Variants in FBLN1 observed in about 807,000 individuals in gnomAD.
The protein encoded by FBLN1 is fibulin 1.
FBLN1 carries 34 observed loss-of-function variants against 89.7 expected under a neutral mutation model. The ratio of observed to expected loss-of-function variants is 0.38; its 90% CI spans 0.29 to 0.50. The LOEUF (loss-of-function observed/expected upper bound fraction) is 0.50. Ranked by LOEUF, FBLN1 falls within the 20% of genes least tolerant of loss-of-function variation. The probability of loss-of-function intolerance (pLI) is 0.92; values close to 1 mark genes in which losing one functional copy is unlikely to be tolerated. For missense variants in FBLN1, 777 were observed against 988.1 expected (o/e 0.79, Z 2.86); for synonymous variants, 393 against 391.3 (o/e 1.00, Z -0.05).
intron 1 of FBLN1, among the ~76,000 whole-genome samples, chr22:45,506,291 A>G (rs944295093): frequency 6.6e-6 from 1 of 152,210 alleles, no homozygotes; most frequent in African/African-American, 2.4e-5. Context: ...TTTCCCAGCC[A>G]GGCGCTGAGC....
At chr22:45,521,712 C>T (rs2088253452) in intron 2 of FBLN1, among the ~76,000 whole-genome samples, 1 of 152,160 alleles carries the variant, frequency 6.6e-6, no homozygotes. Context: ...TGAGCAGGAC[C>T]CCGCCCCAGC....
In FBLN1 at chr22:45,574,644, C is replaced by G. The variant is rs778805850; in HGVS notation, c.1831C>G (p.Arg611Gly). ...ISLPTFREFTRPEEIIFLRAI... is the reference protein window; with the variant it reads ...ISLPTFREFTGPEEIIFLRAI... ...GCTGCCTACCTTCCGCGAGTTCACCCGCCCTGAAGGTGAGTGGGATGGGTG... is the reference window on the plus strand; with the variant it reads ...GCTGCCTACCTTCCGCGAGTTCACCGGCCCTGAAGGTGAGTGGGATGGGTG... Residue 611 changes from arginine (R) to glycine (G), a missense_variant, in exon 15 of 17, where the codon CGC (arginine) becomes GGC (glycine). Physicochemically the swap from Arg to Gly is moderately radical, Grantham distance 125 (BLOSUM62 -2). Coordinates refer to ENST00000327858, the MANE Select transcript of FBLN1 (RefSeq NM_006486.3). The surrounding 1 kb of genome is among the most constrained non-coding windows in gnomAD (Gnocchi z 4.1). The G allele has an allele frequency of 6.2e-7, 1 of 1,613,744 alleles. No individual in the cohort carries two copies. Among genetic ancestry groups the G allele is most frequent in the East Asian group, 2.2e-5 (1 of 44,870 alleles).
chr22:45,535,361 A>C, intron 8 of FBLN1, 24 bp downstream of exon 8: 1 of 1,613,876 alleles, frequency 6.2e-7, no homozygotes, highest in South Asian at 1.1e-5. Context: ...CGCCAGGATT[A>C]GCGGGTTATT....
intron 16 of FBLN1, among the ~76,000 whole-genome samples, chr22:45,587,969 G>A (rs1195153079): frequency 1.3e-5 from 2 of 152,200 alleles, no homozygotes; most frequent in African/African-American, 4.8e-5. Flanking sequence ...CGAGTAATGT[G>A]TGTATCCCTG....
At chr22:45,599,809 C>T (rs536373298) in intron 16 of FBLN1, among the ~76,000 whole-genome samples, 13 of 152,034 alleles carry the variant, frequency 8.6e-5, no homozygotes, top group Non-Finnish European at 1.8e-4. Context: ...CCCAGCTACT[C>T]GGGAGGCTGA....
chr22:45,519,390 G>A (rs1463896803), intron 2 of FBLN1, among the ~76,000 whole-genome samples: 2 of 152,086 alleles, frequency 1.3e-5, no homozygotes, highest in Non-Finnish European at 2.9e-5. Context: ...GGAGGCCGAG[G>A]TGGGTGGATC....
rs879213611 is a variant in FBLN1, at chr22:45,600,832, CT to C, written c.*401del. On this transcript the variant is annotated 3_prime_UTR_variant, in exon 17 of 17. Coordinates refer to ENST00000327858, the MANE Select transcript of FBLN1 (RefSeq NM_006486.3). ...TTGTATGAAATTTGACATTTTGGCA[CT>C]TTTTTTTTTTTTTTGGCCAATCAGA... 27,739 of 248,986 alleles carry C rather than the reference CT, an allele frequency of 0.11. 32 individuals carry two copies. The highest frequency in any genetic ancestry group is 0.19 in the South Asian group (4,326 of 23,172). 15.4% of individuals were successfully genotyped at this position (248,986 alleles called of 1,614,324 possible). A position where few individuals can be genotyped will look rare whatever the true frequency, so the allele number is the denominator to read the frequency against.
chr22:45,592,845 C>T (rs1202334416), intron 16 of FBLN1, among the ~76,000 whole-genome samples: 2 of 152,202 alleles, frequency 1.3e-5, no homozygotes, highest in African/African-American at 2.4e-5. Context: ...CCTACACTTC[C>T]CTTCCTTTCT....
Position 45,562,994 on chromosome 22 carries a change from C to T in FBLN1, c.1698-11517C>T. The T allele has an allele frequency of 6.2e-7, 1 of 1,613,842 alleles. No homozygotes were observed. The highest frequency in any genetic ancestry group is 1.1e-5 in the South Asian group (1 of 91,076). ...AATAACCTACTACCACCTCTCTTTC[C>T]CCACCAACATCCAAGCGCCCGCGGT... is the stretch of plus-strand genomic sequence containing the variant. On this transcript the variant is annotated intron_variant, in intron 14 of 16. Transcript: ENST00000327858. The surrounding 1 kb of genome is among the most constrained non-coding windows in gnomAD (Gnocchi z 7.8).
intron 14 of FBLN1, among the ~76,000 whole-genome samples, chr22:45,553,160 C>T (rs940314822): frequency 1.3e-5 from 2 of 152,250 alleles, no homozygotes; most frequent in African/African-American, 4.8e-5. Flanking sequence ...TATCCACAAG[C>T]ACCTGGGGTG....
At position 45,532,830 on chromosome 22, in the gene FBLN1, C is replaced by A. The variant is rs2088426827; in HGVS notation, c.545-233C>A. On this transcript the variant is annotated intron_variant, in intron 5 of 16. Transcript: ENST00000327858. This position sits in a 1 kb window ranked among gnomAD's most constrained non-coding sequence, Gnocchi z 4.2. ...CCTACAAAGGGCACCCTGCACACCA[C>A]CTGATTTTCCAGACGGGGAGGTTGG... 3.4e-6 allele frequency: 2 copies of A among 596,640 alleles called. No homozygotes were observed. Among genetic ancestry groups the A allele is most frequent in the Admixed American group, 2.8e-5 (1 of 35,412 alleles). The allele number at this position is 596,640 out of a possible 1,614,324, so 37.0% of individuals were successfully genotyped here.
rs774420314 is a variant in FBLN1 at position 45,548,669 on chromosome 22, A to G, written c.1498A>G (p.Asn500Asp). The G allele has an allele frequency of 3.7e-6, 6 of 1,613,854 alleles. No homozygotes were observed. Among genetic ancestry groups the G allele is most frequent in the Non-Finnish European group, 5.1e-6 (6 of 1,180,016 alleles). The part of the protein sequence containing the change: ...GGHICSYRCI[N>D]IPGSFQCSCP... ...CCACATCTGCTCCTACCGCTGCATCAACATCCCTGGAAGCTTCCAGTGCAG... is the reference window on the plus strand; with the variant it reads ...CCACATCTGCTCCTACCGCTGCATCGACATCCCTGGAAGCTTCCAGTGCAG... Residue 500 changes from asparagine (N) to aspartate (D), a missense_variant, in exon 13 of 17, where the codon AAC becomes GAC. By Grantham distance (23) the Asn-to-Asp change is conservative. Coordinates refer to ENST00000327858, the MANE Select transcript of FBLN1 (RefSeq NM_006486.3).
chr22:45,563,505 G>C lies in FBLN1; in HGVS notation c.1698-11006G>C. ...CCCACTAGAGGGTGTGTGCTCGGGG[G>C]TCCCTGTTCACAGAGCCCACTGTCT... On this transcript the variant is annotated intron_variant, in intron 14 of 16. Coordinates refer to ENST00000327858, the MANE Select transcript of FBLN1 (RefSeq NM_006486.3). The surrounding 1 kb of genome is among the most constrained non-coding windows in gnomAD (Gnocchi z 5.7). 1.2e-6 allele frequency: 1 copy of C among 802,762 alleles called. No individual in the cohort carries two copies. Among genetic ancestry groups the C allele is most frequent in the Non-Finnish European group, 1.9e-6 (1 of 526,726 alleles). The allele number at this position is 802,762 out of a possible 1,614,324, so 49.7% of individuals were successfully genotyped here. A position where few individuals can be genotyped will look rare whatever the true frequency, so the allele number is the denominator to read the frequency against.
Position 45,527,923 on chromosome 22 carries a change from G to A in FBLN1, c.398G>A (p.Gly133Asp). 1 of 1,614,192 alleles carries A rather than the reference G, an allele frequency of 6.2e-7. No homozygotes were observed. Among genetic ancestry groups the A allele is most frequent in the Non-Finnish European group, 8.5e-7 (1 of 1,180,036 alleles). ...GQSCEYSLMV[G>D]YQCGQVFQAC... is the part of the protein sequence containing the mutation. ...AGCTGCGAGTACAGCCTCATGGTTG[G>A]CTACCAGTGTGGACAGGTCTTCCAG... The change falls in exon 4 of 17, where the codon GGC becomes GAC. Residue 133 changes from glycine to aspartate, a missense_variant. By Grantham distance (94) the Gly-to-Asp change is moderately conservative. Transcript: ENST00000327858.
chr22:45,539,992 C>A (rs1039787475), intron 8 of FBLN1, among the ~76,000 whole-genome samples: 9 of 152,244 alleles, frequency 5.9e-5, no homozygotes, highest in African/African-American at 1.9e-4. Context: ...CAACTTCAGT[C>A]TCTGTGGCAA....
chr22:45,553,567 T>TC (rs1427428087), intron 14 of FBLN1, among the ~76,000 whole-genome samples: 1 of 152,252 alleles, frequency 6.6e-6, no homozygotes, highest in Admixed American at 6.5e-5. Context: ...CGAAGTACGA[T>TC]CATTGAAGCC....
At chr22:45,544,277 G>C (rs561454433) in intron 11 of FBLN1, among the ~76,000 whole-genome samples, 1 of 151,814 alleles carries the variant, frequency 6.6e-6, no homozygotes, top group African/African-American at 2.4e-5. Context: ...AGTAGAGACA[G>C]GGTTTCCCCA....
Position 45,531,184 on chromosome 22 carries a change from A to G in FBLN1, c.485-81A>G. ...TGGGCATTACTGCCTGATAGTGACA[A>G]GAAGAGAGAATGTTGGGAGTTTCTT... On this transcript the variant is annotated intron_variant, in intron 4 of 16. Transcript: ENST00000327858. The surrounding 1 kb of genome is among the most constrained non-coding windows in gnomAD (Gnocchi z 4.9). 1 of 1,232,926 alleles carries G rather than the reference A, an allele frequency of 8.1e-7. No homozygotes were observed. Among genetic ancestry groups the G allele is most frequent in the Non-Finnish European group, 1.2e-6 (1 of 832,868 alleles). 76.4% of individuals were successfully genotyped at this position (1,232,926 alleles called of 1,614,324 possible). A position where few individuals can be genotyped will look rare whatever the true frequency, so the allele number is the denominator to read the frequency against.
chr22:45,600,406 T>A lies in FBLN1; in HGVS notation c.2072T>A (p.Val691Asp). The A allele has an allele frequency of 2.5e-6, 4 of 1,614,172 alleles. No homozygotes were observed. Among genetic ancestry groups the A allele is most frequent in the Non-Finnish European group, 3.4e-6 (4 of 1,180,028 alleles). ...VVGGVVSHRN[V>D]VNVHIFVSEY... ...GGGGGCGTGGTCTCCCACCGAAATGTTGTCAACGTCCACATCTTCGTCTCT... is the reference window on the plus strand; with the variant it reads ...GGGGGCGTGGTCTCCCACCGAAATGATGTCAACGTCCACATCTTCGTCTCT... The change falls in exon 17 of 17, where the codon GTT (valine) becomes GAT (aspartate). Residue 691 changes from valine (V) to aspartate (D), a missense_variant. Coordinates refer to ENST00000327858, the MANE Select transcript of FBLN1 (RefSeq NM_006486.3).
Sources: allele counts gnomAD v4.1 joint callset (sites outside exome capture counted in the v4.1 genomes callset), GRCh38; gene constraint gnomAD v4.1.1; non-coding constraint Gnocchi (gnomAD v3.1); transcripts MANE v1.5; gene names NCBI Gene and HGNC (gene_info 2026-07-23, HGNC 2026-07-21).